The following SNX13 variants were observed in gnomAD, a reference collection of about 807,000 sequenced individuals.
SNX13 encodes the protein sorting nexin 13, also known as sorting nexin-13.
A neutral mutation model predicts 133.6 loss-of-function variants in SNX13; 45 were observed. The observed-to-expected ratio is 0.34, with a 90% CI of 0.27 to 0.43. The LOEUF is 0.43. SNX13 is among the 20% of genes least tolerant of loss of function. SNX13 has a pLI of 1.00. For synonymous variants in SNX13, 414 were observed against 373.9 expected (o/e 1.11, Z -1.24); for missense variants, 1,032 against 1,145.1 (o/e 0.90, Z 1.43).
At chr7:17,801,213 C>A (rs1784611082) in intron 22 of SNX13, among the ~76,000 whole-genome samples, 1 of 151,118 alleles carries the variant, frequency 6.6e-6, no homozygotes, top group Admixed American at 6.6e-5. Flanking sequence ...AATGAAGGAA[C>A]TAAAATCATA....
chr7:17,926,338 T>C (rs1017910216), intron 1 of SNX13, among the ~76,000 whole-genome samples: 1 of 152,084 alleles, frequency 6.6e-6, no homozygotes, highest in African/African-American at 2.4e-5. Context: ...ACTAACAATA[T>C]GTAGAAAACT....
At chr7:17,867,895 T>C (rs1793595589) in intron 9 of SNX13, among the ~76,000 whole-genome samples, 1 of 152,122 alleles carries the variant, frequency 6.6e-6, no homozygotes, top group African/African-American at 2.4e-5. Context: ...GCTTGTGGAC[T>C]TAGTAATAAC....
intron 1 of SNX13, among the ~76,000 whole-genome samples, chr7:17,920,648 G>C (rs1800026469): frequency 6.6e-6 from 1 of 152,144 alleles, no homozygotes; most frequent in African/African-American, 2.4e-5. Context: ...AATCAGTGCA[G>C]CAATTATAAA....
intron 1 of SNX13, among the ~76,000 whole-genome samples, chr7:17,908,764 C>T (rs1432296229): frequency 6.6e-6 from 1 of 152,030 alleles, no homozygotes; most frequent in Admixed American, 6.6e-5. Flanking sequence ...TTGTAGGAGA[C>T]AACATACATA....
chr7:17,801,701 A>T, intron 21 of SNX13, 42 bp from the exon 22 acceptor site: 1 of 1,417,558 alleles, frequency 7.1e-7, no homozygotes, highest in African/African-American at 1.4e-5. Context: ...ACACTAAAGC[A>T]GACAGTGAAA....
chr7:17,939,450 G>A (rs1802503040), intron 1 of SNX13, among the ~76,000 whole-genome samples: 2 of 152,224 alleles, frequency 1.3e-5, no homozygotes, highest in Admixed American at 6.5e-5. Flanking sequence ...GCTAACCTGG[G>A]TCAAGTACCT....
intron 1 of SNX13, among the ~76,000 whole-genome samples, chr7:17,929,896 T>C (rs967246055): frequency 3.9e-5 from 6 of 152,188 alleles, no homozygotes; most frequent in African/African-American, 1.4e-4. Context: ...ATTGAGAAGT[T>C]AGTAAAAACT....
At chr7:17,797,057 G>T in intron 24 of SNX13, 118 bp from the exon 25 acceptor site, 1 of 756,426 alleles carries the variant, frequency 1.3e-6, no homozygotes, top group African/African-American at 1.8e-5. Context: ...AAAAGTTTCT[G>T]AATAATAACA....
intron 18 of SNX13, among the ~76,000 whole-genome samples, chr7:17,819,973 T>C (rs929356050): frequency 1.1e-4 from 16 of 152,048 alleles, no homozygotes; most frequent in African/African-American, 3.9e-4. Context: ...GTGAGCTGTT[T>C]GAAAAAGAAA....
chr7:17,918,024 G>C (rs981178647), intron 1 of SNX13, among the ~76,000 whole-genome samples: 2 of 151,946 alleles, frequency 1.3e-5, no homozygotes, highest in African/African-American at 4.8e-5. Flanking sequence ...ACTGACCTTC[G>C]ACAACATCGA....
intron 5 of SNX13, among the ~76,000 whole-genome samples, chr7:17,877,427 T>C (rs1208812266): frequency 6.6e-6 from 1 of 152,068 alleles, no homozygotes; most frequent in Non-Finnish European, 1.5e-5. Context: ...CAAAAATCTT[T>C]ACATGAATAT....
chr7:17,873,639 T>A (rs914721304), intron 7 of SNX13, 23 bp from the exon 8 acceptor site: 1 of 1,414,646 alleles, frequency 7.1e-7, no homozygotes, highest in African/African-American at 1.4e-5. Context: ...AAAGTAGCTA[T>A]CATAACATTA....
chr7:17,827,592 C>A (rs929369990), intron 16 of SNX13, among the ~76,000 whole-genome samples: 1 of 151,868 alleles, frequency 6.6e-6, no homozygotes, highest in Non-Finnish European at 1.5e-5. Context: ...CTTCCCTGGT[C>A]AACTCAAATG....
intron 5 of SNX13, chr7:17,889,746 A>C (rs1403655964): frequency 6.6e-6 from 1 of 152,184 alleles, no homozygotes. Context: ...AATAGAAGTC[A>C]AAACACTTTC....
At chr7:17,873,052 T>A (rs1473723152) in intron 8 of SNX13, among the ~76,000 whole-genome samples, 1 of 152,206 alleles carries the variant, frequency 6.6e-6, no homozygotes, top group Non-Finnish European at 1.5e-5. Flanking sequence ...CTGATTTAGA[T>A]AACACTAGGG....
chr7:17,886,969 T>C (rs777054045), intron 5 of SNX13, among the ~76,000 whole-genome samples: 1 of 114,202 alleles, frequency 8.8e-6, no homozygotes, highest in Non-Finnish European at 1.8e-5. Flanking sequence ...TCCCTTGCTC[T>C]ACAAAAAAAA....
At chr7:17,876,318 C>G (rs535839563) in intron 5 of SNX13, among the ~76,000 whole-genome samples, 1 of 152,168 alleles carries the variant, frequency 6.6e-6, no homozygotes. Flanking sequence ...CAGTGGCTCA[C>G]GCCTATAATC....
chr7:17,912,522 T>C (rs1170793134), intron 1 of SNX13, among the ~76,000 whole-genome samples: 1 of 152,060 alleles, frequency 6.6e-6, no homozygotes, highest in Non-Finnish European at 1.5e-5. Flanking sequence ...GTGATTCTCC[T>C]GCCTCAGCCT....
chr7:17,898,482 G>A (rs938678007), intron 1 of SNX13, among the ~76,000 whole-genome samples: 20 of 152,212 alleles, frequency 1.3e-4, no homozygotes, highest in Admixed American at 7.2e-4. Flanking sequence ...TGCTTCCTAC[G>A]TGCCAAGCAC....
Sources: gnomAD v4.1 joint callset for allele counts (sites outside exome capture counted in the v4.1 genomes callset) on GRCh38, gnomAD v4.1.1 for gene constraint, MANE v1.5 for transcripts, NCBI Gene and HGNC (gene_info 2026-07-23, HGNC 2026-07-21) for gene names.